EIF5B: variants seen among roughly 807,000 people sequenced by gnomAD.
EIF5B encodes eIF-5B.
A neutral mutation model predicts 147.5 loss-of-function variants in EIF5B; 47 were observed. The observed-to-expected ratio is 0.32, with a 90% CI of 0.25 to 0.41. The LOEUF (loss-of-function observed/expected upper bound fraction) is 0.41. Among genes scored for constraint, EIF5B ranks in the 10% least tolerant of loss-of-function variants. EIF5B has a pLI of 1.00. For synonymous variants in EIF5B, 455 were observed against 456.2 expected, an observed-to-expected ratio of 1.00 and a Z score of 0.03; for missense variants, 1,064 against 1,413.2, an observed-to-expected ratio of 0.75 and a Z score of 3.96.
chr2:99,362,071 CTA>C (rs763889037), intron 4 of EIF5B, among the ~76,000 whole-genome samples: 37 of 152,118 alleles, frequency 2.4e-4, no homozygotes, highest in African/African-American at 4.8e-4. Context: ...ATTATGAAAA[CTA>C]TTTTTTTTGC....
At chr2:99,358,805 GAAGTC>G (rs1674145804) in intron 1 of EIF5B, among the ~76,000 whole-genome samples, 1 of 152,098 alleles carries the variant, frequency 6.6e-6, no homozygotes, top group Admixed American at 6.5e-5. Context: ...GGTACTGTAG[GAAGTC>G]ACCACCACTG....
intron 1 of EIF5B, among the ~76,000 whole-genome samples, chr2:99,340,193 A>T (rs904174954): frequency 3.9e-5 from 6 of 152,152 alleles, no homozygotes; most frequent in Non-Finnish European, 8.8e-5. Context: ...GAGATGGGGA[A>T]TGGGAAGTTC....
chr2:99,374,985 A>G (rs529933797), intron 9 of EIF5B, among the ~76,000 whole-genome samples: 2 of 151,768 alleles, frequency 1.3e-5, no homozygotes, highest in South Asian at 2.1e-4. Flanking sequence ...GGCTCTTTCT[A>G]TTCTGAGGTT....
rs1286991894 is a variant in EIF5B, at chr2:99,394,332, T to C, written c.2946T>C (p.Tyr982=). 1.2e-6 allele frequency: 2 copies of C among 1,612,868 alleles called. No homozygotes were observed. The highest frequency in any genetic ancestry group is 1.3e-5 in the African/African-American group (1 of 74,574). The part of the protein sequence containing the change: ...NAIKLEEKGV[Y]VQASTLGSLE... ...TCAAATTAGAAGAAAAAGGAGTCTA[T>C]GTCCAGGCATCTACACTGGGTTCTT... The change falls in exon 19 of 24, where the codon TAT becomes TAC. Residue 982 remains tyrosine, a synonymous_variant. Transcript: ENST00000289371.
chr2:99,372,315 A>T (rs1366278250), intron 9 of EIF5B, among the ~76,000 whole-genome samples: 1 of 152,040 alleles, frequency 6.6e-6, no homozygotes, highest in African/African-American at 2.4e-5. Context: ...ATTTTGATGT[A>T]TTAAGTTTTA....
intron 1 of EIF5B, among the ~76,000 whole-genome samples, chr2:99,351,766 T>C (rs1418887158): frequency 4.1e-4 from 62 of 152,098 alleles, no homozygotes; most frequent in Non-Finnish European, 1.3e-4. Flanking sequence ...GGCGTGATCT[T>C]GGCTCACTGC....
chr2:99,345,608 A>G (rs1300027106), intron 1 of EIF5B, among the ~76,000 whole-genome samples: 2 of 139,640 alleles, frequency 1.4e-5, no homozygotes, highest in African/African-American at 5.1e-5. Flanking sequence ...AAAAAAAAAA[A>G]AAAGGAATGT....
intron 3 of EIF5B, among the ~76,000 whole-genome samples, chr2:99,360,832 T>C (rs1045075618): frequency 1.4e-4 from 22 of 152,220 alleles, no homozygotes; most frequent in Non-Finnish European, 1.6e-4. Flanking sequence ...TGGATAAGCC[T>C]CAGAGTAATG....
intron 6 of EIF5B, among the ~76,000 whole-genome samples, chr2:99,365,068 G>C (rs1332431239): frequency 1.3e-5 from 2 of 152,124 alleles, no homozygotes; most frequent in Non-Finnish European, 2.9e-5. Context: ...ATTTAAAATA[G>C]TGTCTTTGCT....
At chr2:99,337,716 C>A (rs2094246405) in intron 1 of EIF5B, 127 bp downstream of exon 1, 2 of 1,246,032 alleles carry the variant, frequency 1.6e-6, no homozygotes, top group African/African-American at 1.6e-5. Context: ...CAGGCCTGGG[C>A]CCAGAGTGTG....
intron 18 of EIF5B, among the ~76,000 whole-genome samples, chr2:99,393,732 C>G (rs189138960): frequency 1.3e-5 from 2 of 152,316 alleles, no homozygotes; most frequent in Non-Finnish European, 2.9e-5. Context: ...AGGCCTGTCT[C>G]TTCACCCAGT....
At chr2:99,352,670 A>G (rs545245698) in intron 1 of EIF5B, among the ~76,000 whole-genome samples, 15 of 150,674 alleles carry the variant, frequency 1.0e-4, no homozygotes, top group Non-Finnish European at 1.5e-4. Flanking sequence ...TAGTAGAAAC[A>G]GGATTTCACC....
rs139007055 is a variant in EIF5B, at chr2:99,367,431, CTTTT to C, written c.1289-1052_1289-1049del. 2.1e-5 allele frequency among the ~76,000 whole-genome samples: 3 copies of C among 143,774 alleles called. No homozygotes were observed. In the East Asian group the frequency reaches 6.1e-4, roughly 29 times the overall value. 94.3% of individuals were successfully genotyped at this position (143,774 alleles called of 152,430 possible). A position where few individuals can be genotyped will look rare whatever the true frequency, so the allele number is the denominator to read the frequency against. The stretch of plus-strand genomic sequence containing the variant: ...TACCACATTCAGAGCAGTTGAAACT[CTTTT>C]TTTTTTTTTCTCTCTTTTTTTGAGA... On this transcript the variant is annotated intron_variant, in intron 6 of 23. Transcript: ENST00000289371.
intron 17 of EIF5B, among the ~76,000 whole-genome samples, chr2:99,392,682 T>A (rs964070634): frequency 7.9e-5 from 12 of 152,248 alleles, no homozygotes; most frequent in African/African-American, 2.9e-4. Flanking sequence ...TTCTTCTGCA[T>A]TATCTTTCTT....
rs1574923206 is a variant in EIF5B, at chr2:99,357,409, T to G, written c.36-2827T>G. Among the ~76,000 whole-genome samples, 3 of 152,344 alleles carry G rather than the reference T, an allele frequency of 2.0e-5. No homozygotes were observed. The East Asian group carries it at 5.8e-4, about 29-fold the overall frequency. On this transcript the variant is annotated intron_variant, in intron 1 of 23. Coordinates refer to ENST00000289371, the MANE Select transcript of EIF5B (RefSeq NM_015904.4). ...TTTAAAAAATTACCATCTTTAAGAATAATTTTATGTAATTGTTATGAATAT... is the reference window on the plus strand; with the variant it reads ...TTTAAAAAATTACCATCTTTAAGAAGAATTTTATGTAATTGTTATGAATAT...
chr2:99,373,385 TG>T (rs1294863120), intron 9 of EIF5B, among the ~76,000 whole-genome samples: 2 of 152,188 alleles, frequency 1.3e-5, no homozygotes, highest in African/African-American at 4.8e-5. Flanking sequence ...ACCTTGGTGC[TG>T]CATCCTCCAG....
intron 6 of EIF5B, among the ~76,000 whole-genome samples, chr2:99,366,593 A>G (rs1674333016): frequency 6.6e-6 from 1 of 152,202 alleles, no homozygotes; most frequent in South Asian, 2.1e-4. Flanking sequence ...TTCATTCAAA[A>G]TCCCATGGTA....
At chr2:99,354,775 G>A (rs1024110554) in intron 1 of EIF5B, among the ~76,000 whole-genome samples, 11 of 136,646 alleles carry the variant, frequency 8.1e-5, no homozygotes, top group African/African-American at 2.8e-4. Flanking sequence ...TTGCACCTTT[G>A]TCAAAAATTA....
chr2:99,372,765 T>A (rs919466312), intron 9 of EIF5B, among the ~76,000 whole-genome samples: 2 of 152,220 alleles, frequency 1.3e-5, no homozygotes, highest in African/African-American at 4.8e-5. Context: ...CCTAGCATGG[T>A]CAGTTATTGT....
Sources: gnomAD v4.1 joint callset for allele counts (sites outside exome capture counted in the v4.1 genomes callset) on GRCh38, gnomAD v4.1.1 for gene constraint, MANE v1.5 for transcripts, NCBI Gene and HGNC (gene_info 2026-07-23, HGNC 2026-07-21) for gene names.